Variants in HCRTR2 observed in about 807,000 individuals in gnomAD.
HCRTR2 encodes the protein hypocretin receptor 2, also known as orexin receptor type 2.
In HCRTR2, 22 loss-of-function variants were observed where a neutral mutation model predicts 49.0. The observed-to-expected ratio is 0.45, with a 90% confidence interval of 0.32 to 0.64. The LOEUF (loss-of-function observed/expected upper bound fraction) is 0.64. Ranked by LOEUF, HCRTR2 falls within the 30% of genes least tolerant of loss-of-function variation. HCRTR2 has a pLI of 0.04. For synonymous variants in HCRTR2, 236 were observed against 205.3 expected (o/e 1.15, Z -1.28); for missense variants, 491 against 559.4 (o/e 0.88, Z 1.23).
chr6:55,108,342 A>G (rs1047656641), intron 1 of HCRTR2, among the ~76,000 whole-genome samples: 4 of 152,040 alleles, frequency 2.6e-5, no homozygotes, highest in Non-Finnish European at 5.9e-5. Flanking sequence ...ACAGGAACAT[A>G]CCAGTAAAAC....
chr6:55,226,258 G>A (rs896674500), intron 1 of HCRTR2, among the ~76,000 whole-genome samples: 1 of 152,126 alleles, frequency 6.6e-6, no homozygotes. Flanking sequence ...GTAAATAATA[G>A]TGCTCTGAAG....
At chr6:55,215,648 A>G (rs563764533) in intron 1 of HCRTR2, among the ~76,000 whole-genome samples, 134 of 152,332 alleles carry the variant, frequency 8.8e-4, no homozygotes, top group Non-Finnish European at 1.6e-3. Flanking sequence ...CAATGTAAAA[A>G]TATGTAATTT....
chr6:55,278,598 A>G (rs1252051430), intron 5 of HCRTR2, among the ~76,000 whole-genome samples: 1 of 152,020 alleles, frequency 6.6e-6, no homozygotes, highest in Non-Finnish European at 1.5e-5. Flanking sequence ...CAGTGATACT[A>G]TTTACTACAG....
intron 1 of HCRTR2, among the ~76,000 whole-genome samples, chr6:55,147,682 T>A (rs1764613645): frequency 6.6e-6 from 1 of 152,216 alleles, no homozygotes; most frequent in Non-Finnish European, 1.5e-5. Flanking sequence ...GTGGGTTTGA[T>A]ACTTCTTCTT....
chr6:55,224,526 G>C (rs932707148), intron 1 of HCRTR2, among the ~76,000 whole-genome samples: 1 of 152,052 alleles, frequency 6.6e-6, no homozygotes, highest in African/African-American at 2.4e-5. Context: ...GGGAGGCTGA[G>C]GCAGGAGAAT....
chr6:55,272,846 C>G (rs1335245129), intron 4 of HCRTR2, among the ~76,000 whole-genome samples: 1 of 143,524 alleles, frequency 7.0e-6, no homozygotes, highest in African/African-American at 2.7e-5. Flanking sequence ...AGAGGGAAAA[C>G]CTTTTTTTTT....
At chr6:55,233,089 A>T (rs1766145178) in intron 1 of HCRTR2, among the ~76,000 whole-genome samples, 1 of 146,774 alleles carries the variant, frequency 6.8e-6, no homozygotes, top group Non-Finnish European at 1.5e-5. Context: ...AAAATGAATA[A>T]AGCTGCTTTT....
At chr6:55,132,109 T>A (rs1561981680) in intron 1 of HCRTR2, among the ~76,000 whole-genome samples, 1 of 151,858 alleles carries the variant, frequency 6.6e-6, no homozygotes, top group Non-Finnish European at 1.5e-5. Flanking sequence ...TAATAATCTT[T>A]GAATAACACT....
intron 1 of HCRTR2, among the ~76,000 whole-genome samples, chr6:55,187,337 C>T (rs113439338): frequency 7.2e-6 from 1 of 139,768 alleles, no homozygotes; most frequent in Non-Finnish European, 1.5e-5. Flanking sequence ...CACTTCAACC[C>T]GGGAGACGGA....
chr6:55,231,237 A>G (rs1766108747), intron 1 of HCRTR2, among the ~76,000 whole-genome samples: 1 of 152,186 alleles, frequency 6.6e-6, no homozygotes, highest in Non-Finnish European at 1.5e-5. Context: ...ACATACAGGT[A>G]TTCTATTAAA....
intron 6 of HCRTR2, among the ~76,000 whole-genome samples, chr6:55,280,949 G>T (rs1168233801): frequency 6.6e-6 from 1 of 152,046 alleles, no homozygotes; most frequent in Admixed American, 6.6e-5. Context: ...TAACACATAA[G>T]TTAAATGATA....
At chr6:55,214,429 T>C (rs376080040) in intron 1 of HCRTR2, among the ~76,000 whole-genome samples, 2 of 152,124 alleles carry the variant, frequency 1.3e-5, no homozygotes, top group African/African-American at 4.8e-5. Context: ...ACTCCAAGGG[T>C]CAAGTGATCT....
chr6:55,221,066 A>G (rs1290996503), intron 1 of HCRTR2, among the ~76,000 whole-genome samples: 1 of 152,234 alleles, frequency 6.6e-6, no homozygotes, highest in African/African-American at 2.4e-5. Context: ...ACAAATAAAT[A>G]GAAAGATAAT....
intron 2 of HCRTR2, among the ~76,000 whole-genome samples, chr6:55,253,091 C>G (rs1460190094): frequency 6.6e-6 from 1 of 151,872 alleles, no homozygotes; most frequent in Non-Finnish European, 1.5e-5. Flanking sequence ...CCCAGAAAAC[C>G]TGGTTGCAGA....
At chr6:55,112,474 A>G (rs1445780233) in intron 1 of HCRTR2, among the ~76,000 whole-genome samples, 1 of 151,588 alleles carries the variant, frequency 6.6e-6, no homozygotes, top group Middle Eastern at 3.2e-3. Context: ...AGGTACACAA[A>G]TCAGTAACAC....
chr6:55,256,799 A>G (rs922924986), intron 3 of HCRTR2, among the ~76,000 whole-genome samples: 2 of 152,142 alleles, frequency 1.3e-5, no homozygotes, highest in Admixed American at 1.3e-4. Flanking sequence ...AACTTAGTAT[A>G]TGTCAGGCAT....
At chr6:55,214,256 G>C (rs1370143537) in intron 1 of HCRTR2, among the ~76,000 whole-genome samples, 5 of 147,970 alleles carry the variant, frequency 3.4e-5, no homozygotes, top group Admixed American at 7.1e-5. Flanking sequence ...AGAATTTCTA[G>C]CTGGGTTTTT....
chr6:55,107,552 A>G (rs1306779756), intron 1 of HCRTR2, among the ~76,000 whole-genome samples: 1 of 151,906 alleles, frequency 6.6e-6, no homozygotes, highest in East Asian at 1.9e-4. Flanking sequence ...CATATACACT[A>G]TAGTTTCTCC....
chr6:55,241,489 A>C (rs1192163346), intron 1 of HCRTR2, among the ~76,000 whole-genome samples: 1 of 152,148 alleles, frequency 6.6e-6, no homozygotes. Flanking sequence ...ATAACAATCA[A>C]TAAATTGTTA....
Sources: allele counts gnomAD v4.1 joint callset (sites outside exome capture counted in the v4.1 genomes callset), GRCh38; gene constraint gnomAD v4.1.1; transcripts MANE v1.5; gene names NCBI Gene and HGNC (gene_info 2026-07-23, HGNC 2026-07-21).